ALK: variants seen among roughly 807,000 people sequenced by gnomAD.
The protein encoded by ALK is ALK tyrosine kinase receptor.
Under a neutral mutation model 163.1 loss-of-function variants are expected in ALK, and 74 were observed. The ratio of observed to expected loss-of-function variants is 0.45; its 90% CI spans 0.38 to 0.55. The LOEUF (loss-of-function observed/expected upper bound fraction) is 0.55. ALK is among the 20% of genes least tolerant of loss of function. The pLI is 0.00. For missense variants in ALK, 2,063 were observed against 2,105.3 expected, an observed-to-expected ratio of 0.98 and a Z score of 0.39; for synonymous variants, 960 against 843.2, an observed-to-expected ratio of 1.14 and a Z score of -2.40.
At chr2:29,548,212 G>T (rs552931704) in intron 3 of ALK, among the ~76,000 whole-genome samples, 1 of 152,136 alleles carries the variant, frequency 6.6e-6, no homozygotes, top group African/African-American at 2.4e-5. Context: ...GGTGGCTCAC[G>T]CCTGTAATCC....
intron 3 of ALK, among the ~76,000 whole-genome samples, chr2:29,565,464 G>A (rs915541779): frequency 2.6e-5 from 4 of 152,214 alleles, no homozygotes; most frequent in African/African-American, 7.2e-5. Flanking sequence ...GGGAACAGAG[G>A]AGTGCTAGAA....
chr2:29,756,388 G>A (rs75416544), intron 1 of ALK, among the ~76,000 whole-genome samples: 2,505 of 152,252 alleles, frequency 0.016, 66 homozygotes, highest in African/African-American at 0.056. Flanking sequence ...CTCAGAAGGG[G>A]ACAAGGACCC....
intron 3 of ALK, among the ~76,000 whole-genome samples, chr2:29,568,291 A>C (rs1674251999): frequency 6.6e-6 from 1 of 152,256 alleles, no homozygotes; most frequent in Non-Finnish European, 1.5e-5. Flanking sequence ...AAGGCACTAT[A>C]AATAATTCAA....
intron 4 of ALK, among the ~76,000 whole-genome samples, chr2:29,400,854 AG>A (rs1268683725): frequency 1.3e-5 from 2 of 152,144 alleles, no homozygotes; most frequent in Non-Finnish European, 1.5e-5. Context: ...ACATGCCTGT[AG>A]CCCCAGCTAC....
chr2:29,708,345 A>G (rs537454579), intron 2 of ALK, among the ~76,000 whole-genome samples: 29 of 152,310 alleles, frequency 1.9e-4, no homozygotes, highest in Admixed American at 3.3e-4. Context: ...CTGGGATTAC[A>G]GGCATTAATC....
At chr2:29,400,760 A>C (rs1183675727) in intron 4 of ALK, among the ~76,000 whole-genome samples, 1 of 151,996 alleles carries the variant, frequency 6.6e-6, no homozygotes, top group Non-Finnish European at 1.5e-5. Flanking sequence ...AGATCATCTG[A>C]GGTTGGGAGT....
chr2:29,910,440 AT>A (rs1336526961), intron 1 of ALK, among the ~76,000 whole-genome samples: 1 of 152,178 alleles, frequency 6.6e-6, no homozygotes, highest in Non-Finnish European at 1.5e-5. Flanking sequence ...GCAGAAAACA[AT>A]TTTTTTAAAA....
intron 1 of ALK, among the ~76,000 whole-genome samples, chr2:29,890,193 A>C (rs533976539): frequency 7.2e-5 from 11 of 152,304 alleles, no homozygotes; most frequent in African/African-American, 2.6e-4. Context: ...TCCCACCTCA[A>C]GCAGACCATG....
chr2:29,396,673 TCAAAAA>T (rs528264545), intron 4 of ALK, among the ~76,000 whole-genome samples: 117 of 151,958 alleles, frequency 7.7e-4, no homozygotes, highest in Non-Finnish European at 1.2e-3. Context: ...AGACTCCATC[TCAAAAA>T]CAAAAACAAA....
At chr2:29,417,042 C>T (rs1015756282) in intron 4 of ALK, among the ~76,000 whole-genome samples, 1 of 125,940 alleles carries the variant, frequency 7.9e-6, no homozygotes, top group African/African-American at 3.2e-5. Flanking sequence ...GGCTGGAGTG[C>T]AGTGGCGGGA....
intron 1 of ALK, among the ~76,000 whole-genome samples, chr2:29,888,740 T>C (rs1667056582): frequency 6.6e-6 from 1 of 152,206 alleles, no homozygotes; most frequent in South Asian, 2.1e-4. Context: ...CCTCTTACTA[T>C]ATCCAAAATT....
chr2:29,590,367 TA>T lies in ALK; in HGVS notation c.953-58252del, dbSNP rs200298937. Among the ~76,000 whole-genome samples the T allele has an allele frequency of 2.3e-3, 352 of 152,290 alleles. 1 individual carries two copies. The highest frequency in any genetic ancestry group is 0.02 in the Middle Eastern group (6 of 294). On this transcript the variant is annotated intron_variant, in intron 3 of 28. Coordinates refer to ENST00000389048, the MANE Select transcript of ALK (RefSeq NM_004304.5). ...TTTTCAGTTGACCATTTTTAAAGGT[TA>T]AAAAAATTTTTTACCTTCAAACTCA...
intron 6 of ALK, 46 bp downstream of exon 6, chr2:29,328,304 A>G: frequency 1.2e-6 from 2 of 1,613,698 alleles, no homozygotes; most frequent in Non-Finnish European, 1.7e-6. Context: ...CGGGGTTATG[A>G]GCATGGGCTG....
At chr2:29,297,976 A>AATC (rs1181861142) in intron 8 of ALK, among the ~76,000 whole-genome samples, 1 of 152,224 alleles carries the variant, frequency 6.6e-6, no homozygotes, top group Non-Finnish European at 1.5e-5. Context: ...GTCAGAGTAA[A>AATC]GGTACCCCCT....
chr2:29,890,183 T>C (rs1219538732), intron 1 of ALK, among the ~76,000 whole-genome samples: 1 of 152,186 alleles, frequency 6.6e-6, no homozygotes, highest in Non-Finnish European at 1.5e-5. Context: ...GTGTGCCTTT[T>C]CCCACCTCAA....
At chr2:29,694,297 T>G (rs977962588) in intron 3 of ALK, among the ~76,000 whole-genome samples, 1 of 152,214 alleles carries the variant, frequency 6.6e-6, no homozygotes. Flanking sequence ...AGCAAATGTG[T>G]CGCCTGAGTA....
At chr2:29,703,068 C>T (rs369306681) in intron 2 of ALK, among the ~76,000 whole-genome samples, 67 of 152,306 alleles carry the variant, frequency 4.4e-4, no homozygotes, top group Middle Eastern at 3.4e-3. Context: ...TCAGAAGGGG[C>T]CTATAAGAAT....
At position 29,920,063 on chromosome 2, in the gene ALK, G is replaced by A. The variant is rs200868013; in HGVS notation, c.597C>T (p.Gly199=). Residue 199 remains glycine (G), a synonymous_variant, in exon 1 of 29, where the codon GGC becomes GGT. Transcript: ENST00000389048. ...LMPEKKASEV[G]REGRLSAAIR... ...TTGCCGCGGACAGCCTTCCCTCTCT[G>A]CCCACTTCCGACGCCTTCTTCTCGG... is the stretch of plus-strand genomic sequence containing the variant. The A allele has an allele frequency of 1.3e-4, 203 of 1,614,066 alleles. No individual in the cohort carries two copies. The Middle Eastern group carries it at 2.5e-3, about 20-fold the overall frequency.
intron 5 of ALK, among the ~76,000 whole-genome samples, chr2:29,331,206 G>T (rs1186606919): frequency 6.6e-6 from 1 of 152,120 alleles, no homozygotes; most frequent in South Asian, 2.1e-4. Flanking sequence ...CACTCCATTC[G>T]TTCCTGGGCC....
Sources: allele counts gnomAD v4.1 joint callset (sites outside exome capture counted in the v4.1 genomes callset), GRCh38; gene constraint gnomAD v4.1.1; transcripts MANE v1.5; gene names NCBI Gene and HGNC (gene_info 2026-07-23, HGNC 2026-07-21).